Variants in FNDC3B observed in about 807,000 individuals in gnomAD.
FNDC3B encodes the protein fibronectin type III domain containing 3B.
A neutral mutation model predicts 151.5 loss-of-function variants in FNDC3B; 12 were observed. The ratio of observed to expected loss-of-function variants is 0.08; its 90% confidence interval spans 0.05 to 0.13. FNDC3B has a LOEUF of 0.13. Ranked by LOEUF, FNDC3B falls within the 10% of genes least tolerant of loss-of-function variation. The pLI is 1.00. For synonymous variants in FNDC3B, 528 were observed against 549.0 expected (o/e 0.96, Z 0.54); for missense variants, 1,214 against 1,505.3 (o/e 0.81, Z 3.20).
chr3:172,191,652 A>C (rs113988833), intron 3 of FNDC3B, among the ~76,000 whole-genome samples: 8,958 of 152,130 alleles, frequency 0.059, 339 homozygotes, highest in African/African-American at 0.1. Context: ...GCATGCCACC[A>C]TGCCTGGCTA....
At chr3:172,091,880 G>GTT (rs756694699) in intron 1 of FNDC3B, among the ~76,000 whole-genome samples, 4 of 149,150 alleles carry the variant, frequency 2.7e-5, no homozygotes, top group Non-Finnish European at 6.0e-5. Context: ...TGGGGTGTGT[G>GTT]TGTGTGTGTG....
intron 1 of FNDC3B, among the ~76,000 whole-genome samples, chr3:172,041,404 C>T (rs62281958): frequency 2.1e-3 from 283 of 133,746 alleles, no homozygotes; most frequent in East Asian, 0.015. Context: ...TTTCTTTCTC[C>T]TTCTCTCTCC....
At chr3:172,183,667 A>G (rs1028405166) in intron 3 of FNDC3B, among the ~76,000 whole-genome samples, 3 of 152,174 alleles carry the variant, frequency 2.0e-5, no homozygotes, top group Non-Finnish European at 2.9e-5. Flanking sequence ...TGCCTTGTCT[A>G]TTCTTCTTAA....
At chr3:172,252,500 A>G (rs906103065) in intron 6 of FNDC3B, among the ~76,000 whole-genome samples, 1 of 151,516 alleles carries the variant, frequency 6.6e-6, no homozygotes, top group Admixed American at 6.6e-5. Context: ...TATAACACTC[A>G]TTGAATTTAT....
chr3:172,320,080 G>A (rs906913166), intron 11 of FNDC3B, among the ~76,000 whole-genome samples: 7 of 152,122 alleles, frequency 4.6e-5, no homozygotes, highest in African/African-American at 1.7e-4. Flanking sequence ...AGGCATGGCT[G>A]TGGAAGAATC....
At chr3:172,279,233 G>A in intron 6 of FNDC3B, among the ~76,000 whole-genome samples, 1 of 121,622 alleles carries the variant, frequency 8.2e-6, no homozygotes, top group South Asian at 3.1e-4. Flanking sequence ...GGGGCGGGGG[G>A]CGGGGAAATC....
rs373409227 is a variant in FNDC3B at position 172,091,875 on chromosome 3, T to G, written c.-28-20577T>G. ...TCACAGTGCCCTGACTTTACTGGGG[T>G]GTGTGTGTGTGTGTGTGTGTGTGTG... is the stretch of plus-strand genomic sequence containing the variant. On this transcript the variant is annotated intron_variant, in intron 1 of 25. Coordinates refer to ENST00000415807, the MANE Select transcript of FNDC3B (RefSeq NM_022763.4). Among the ~76,000 whole-genome samples the G allele has an allele frequency of 2.1e-5, 3 of 145,034 alleles. 1 individual carries two copies. Among genetic ancestry groups the G allele is most frequent in the Admixed American group, 1.4e-4 (2 of 14,628 alleles).
chr3:172,096,169 C>A (rs1719082281), intron 1 of FNDC3B, among the ~76,000 whole-genome samples: 3 of 152,192 alleles, frequency 2.0e-5, no homozygotes, highest in African/African-American at 7.2e-5. Flanking sequence ...CTGGTACATA[C>A]ATTCATTCTG....
At chr3:172,054,920 A>T (rs1716838605) in intron 1 of FNDC3B, among the ~76,000 whole-genome samples, 1 of 152,210 alleles carries the variant, frequency 6.6e-6, no homozygotes, top group East Asian at 1.9e-4. Context: ...TATCAATATT[A>T]TACCTCAAGA....
rs773818807 is a variant in FNDC3B at position 172,266,331 on chromosome 3, G to A, written c.790+14790G>A. Among the ~76,000 whole-genome samples, 9 of 152,260 alleles carry A rather than the reference G, an allele frequency of 5.9e-5. No individual in the cohort carries two copies. In the South Asian group the frequency reaches 6.2e-4, roughly 11 times the overall value. ...TGACTAACAAATCAGCACACACAAA[G>A]CTGGTGCTTCTTTTTTTTCCCCCAT... On this transcript the variant is annotated intron_variant, in intron 6 of 25. Transcript: ENST00000415807.
chr3:172,280,327 C>T (rs1250681780), intron 6 of FNDC3B, among the ~76,000 whole-genome samples: 1 of 152,166 alleles, frequency 6.6e-6, no homozygotes, highest in Non-Finnish European at 1.5e-5. Flanking sequence ...TCACATTTTT[C>T]GTTTTCACCT....
chr3:172,137,000 G>A (rs887253815), intron 3 of FNDC3B, among the ~76,000 whole-genome samples: 26 of 152,152 alleles, frequency 1.7e-4, no homozygotes, highest in African/African-American at 5.8e-4. Context: ...CACCACATCC[G>A]GCGGTGTTTT....
intron 3 of FNDC3B, among the ~76,000 whole-genome samples, chr3:172,221,117 CT>C (rs1050583879): frequency 5.3e-5 from 8 of 152,012 alleles, no homozygotes; most frequent in Non-Finnish European, 7.4e-5. Context: ...ACACAATTGG[CT>C]TTTTTTGTGC....
chr3:172,267,159 CT>C (rs34584367), intron 6 of FNDC3B, among the ~76,000 whole-genome samples: 4,638 of 144,540 alleles, frequency 0.032, 207 homozygotes, highest in African/African-American at 0.1. Context: ...TACACACACA[CT>C]TTTTTTTTTT....
intron 1 of FNDC3B, among the ~76,000 whole-genome samples, chr3:172,091,634 T>C (rs1457435935): frequency 4.6e-5 from 7 of 152,178 alleles, no homozygotes; most frequent in Admixed American, 1.3e-4. Flanking sequence ...AATTTTAGCT[T>C]TAGGAAGTAA....
At chr3:172,146,452 G>A (rs936025304) in intron 3 of FNDC3B, among the ~76,000 whole-genome samples, 2 of 152,210 alleles carry the variant, frequency 1.3e-5, no homozygotes, top group Admixed American at 1.3e-4. Context: ...CACATTGTCT[G>A]AGCCCAGGGG....
chr3:172,111,096 T>TAAAAAA (rs1240844592), intron 1 of FNDC3B, among the ~76,000 whole-genome samples: 5 of 104,778 alleles, frequency 4.8e-5, no homozygotes, highest in Non-Finnish European at 7.8e-5. Context: ...GAGACTCCAT[T>TAAAAAA]AAAAAAAAAA....
At chr3:172,378,152 G>A in intron 23 of FNDC3B, 118 bp from the exon 24 acceptor site, 1 of 721,596 alleles carries the variant, frequency 1.4e-6, no homozygotes, top group Non-Finnish European at 2.2e-6. Flanking sequence ...TATTAATTCA[G>A]AATGTATGGA....
In FNDC3B at chr3:172,334,947, A is replaced by T; in HGVS notation, c.1645A>T (p.Thr549Ser). 6.2e-7 allele frequency: 1 copy of T among 1,612,438 alleles called. No homozygotes were observed. Among genetic ancestry groups the T allele is most frequent in the South Asian group, 1.1e-5 (1 of 90,666 alleles). ...KRSTQYKFRL[T>S]ASNTEGKSCP... ...CGTTTCCTTGGTTGTGTTCTAGCTG[A>T]CTGCTTCTAATACGGAAGGAAAAAG... The change falls in exon 15 of 26, where the codon ACT (threonine) becomes TCT (serine). Residue 549 changes from threonine (T) to serine (S), a missense_variant. By Grantham distance (58) the Thr-to-Ser change is moderately conservative. Transcript: ENST00000415807.
Sources: allele counts gnomAD v4.1 joint callset (sites outside exome capture counted in the v4.1 genomes callset), GRCh38; gene constraint gnomAD v4.1.1; transcripts MANE v1.5; gene names NCBI Gene and HGNC (gene_info 2026-07-23, HGNC 2026-07-21).